The following SCN11A variants were observed in gnomAD, a reference collection of about 807,000 sequenced individuals.
SCN11A encodes the protein sodium voltage-gated channel alpha subunit 11.
In SCN11A, 122 loss-of-function variants were observed where a neutral mutation model predicts 162.2. That is an observed-to-expected ratio of 0.75 (90% CI 0.65 to 0.87). The LOEUF (loss-of-function observed/expected upper bound fraction) is 0.87, where lower values mean the gene tolerates loss of function less well. Ranked by LOEUF, SCN11A falls within the 40% of genes least tolerant of loss-of-function variation. The pLI, the probability that SCN11A is intolerant of heterozygous loss-of-function variation, is 0.00. For missense variants in SCN11A, 2,015 were observed against 2,181.6 expected (o/e 0.92, Z 1.52); for synonymous variants, 758 against 751.5 (o/e 1.01, Z -0.14).
chr3:38,934,949 C>A (rs1190787886), intron 7 of SCN11A, among the ~76,000 whole-genome samples: 1 of 151,282 alleles, frequency 6.6e-6, no homozygotes, highest in Non-Finnish European at 1.5e-5. Context: ...CACACCACAC[C>A]TATTCCAAAA....
intron 1 of SCN11A, among the ~76,000 whole-genome samples, chr3:39,045,389 C>A (rs961020368): frequency 6.6e-6 from 1 of 152,118 alleles, no homozygotes; most frequent in African/African-American, 2.4e-5. Context: ...TATAAAAATT[C>A]TCAACAAAAT....
intron 9 of SCN11A, among the ~76,000 whole-genome samples, chr3:38,922,368 A>G (rs1217311826): frequency 6.6e-6 from 1 of 152,242 alleles, no homozygotes; most frequent in African/African-American, 2.4e-5. Context: ...ATCTATAACA[A>G]GAGGCTTCTC....
chr3:39,051,934 C>A lies in SCN11A; in HGVS notation c.-477G>T. On this transcript the variant is annotated 5_prime_UTR_variant, in exon 1 of 30. Transcript: ENST00000302328. ...CACAACAGCCTGTTTACCTTCAGCCCCGCCACTAACCCTTGGCCAAAGGGA... is the reference window on the plus strand; with the variant it reads ...CACAACAGCCTGTTTACCTTCAGCCACGCCACTAACCCTTGGCCAAAGGGA... 1 of 1,526,014 alleles carries A rather than the reference C, an allele frequency of 6.6e-7. No homozygotes were observed. The highest frequency in any genetic ancestry group is 1.1e-5 in the South Asian group (1 of 88,178). 94.5% of individuals were successfully genotyped at this position (1,526,014 alleles called of 1,614,324 possible).
At position 38,983,475 on chromosome 3, in the gene SCN11A, T is replaced by C. The variant is rs139669682; in HGVS notation, c.-279-23052A>G. Reference sequence around the variant, plus strand: ...CTGTGTCAGCAACTTGAGTCTCACTTGAATGGGGAAAGAAAGTAATAGAGA... The same window carrying C: ...CTGTGTCAGCAACTTGAGTCTCACTCGAATGGGGAAAGAAAGTAATAGAGA... On this transcript the variant is annotated intron_variant, in intron 2 of 29. Transcript: ENST00000302328. 4.1e-3 allele frequency among the ~76,000 whole-genome samples: 631 copies of C among 152,294 alleles called. 9 individuals are homozygous for C. The highest frequency in any genetic ancestry group is 0.014 in the African/African-American group (599 of 41,538).
intron 27 of SCN11A, among the ~76,000 whole-genome samples, chr3:38,867,009 T>C (rs1158875623): frequency 1.3e-5 from 2 of 152,242 alleles, no homozygotes; most frequent in Admixed American, 1.3e-4. Flanking sequence ...ATTTAATAAA[T>C]ACTAATCCTG....
intron 17 of SCN11A, among the ~76,000 whole-genome samples, chr3:38,897,530 C>T (rs1444282836): frequency 6.6e-6 from 1 of 152,058 alleles, no homozygotes; most frequent in Non-Finnish European, 1.5e-5. Context: ...TCCTGGCCAA[C>T]ATGGTGAAAC....
chr3:38,851,725 T>C (rs2064782893), intron 28 of SCN11A, among the ~76,000 whole-genome samples: 1 of 152,222 alleles, frequency 6.6e-6, no homozygotes, highest in South Asian at 2.1e-4. Flanking sequence ...CTATTATCTT[T>C]AGAGAACTCA....
chr3:38,949,048 T>C (rs2066560293), intron 5 of SCN11A, among the ~76,000 whole-genome samples: 1 of 152,218 alleles, frequency 6.6e-6, no homozygotes, highest in African/African-American at 2.4e-5. Flanking sequence ...TCTATCCCAA[T>C]TGAAGTACAT....
intron 7 of SCN11A, among the ~76,000 whole-genome samples, chr3:38,929,302 T>C (rs1302488639): frequency 4.6e-5 from 7 of 152,188 alleles, no homozygotes; most frequent in Non-Finnish European, 8.8e-5. Flanking sequence ...CTACAACATG[T>C]ATAAACCTTG....
chr3:38,883,499 C>G, intron 21 of SCN11A, 112 bp from the exon 22 acceptor site: 1 of 955,952 alleles, frequency 1.0e-6, no homozygotes, highest in South Asian at 1.7e-5. Context: ...CCTGCAGTTG[C>G]TCCCATTAAA....
At position 38,894,573 on chromosome 3, in the gene SCN11A, T is replaced by C. The variant is rs776235253; in HGVS notation, c.2795A>G (p.Asp932Gly). The change falls in exon 19 of 30, where the codon GAT (aspartate) becomes GGT (glycine). Residue 932 changes from aspartate to glycine, a missense_variant. Physicochemically the swap from Asp to Gly is moderately conservative, Grantham distance 94. Transcript: ENST00000302328. The stretch of plus-strand genomic sequence containing the variant: ...AGGTTGTGTGATGCGCTGTGCATTA[T>C]CTTCACCAGAAAATTCAACGTCATC... ...EEDDVEFSGEDNAQRITQPEP... is the reference protein window; with the variant it reads ...EEDDVEFSGEGNAQRITQPEP... 2 of 1,613,676 alleles carry C rather than the reference T, an allele frequency of 1.2e-6. No homozygotes were observed. Among genetic ancestry groups the C allele is most frequent in the East Asian group, 2.2e-5 (1 of 44,878 alleles).
At chr3:38,961,280 T>C (rs751753059) in intron 2 of SCN11A, among the ~76,000 whole-genome samples, 1 of 152,240 alleles carries the variant, frequency 6.6e-6, no homozygotes, top group Non-Finnish European at 1.5e-5. Context: ...ATGTTAAATA[T>C]GATAATTCTT....
chr3:38,915,109 T>G (rs2065941520), intron 11 of SCN11A, among the ~76,000 whole-genome samples: 1 of 152,096 alleles, frequency 6.6e-6, no homozygotes, highest in Admixed American at 6.6e-5. Context: ...TCTCAGGATT[T>G]TTTTGGTTGG....
At chr3:38,943,249 C>T (rs778010750) in intron 7 of SCN11A, among the ~76,000 whole-genome samples, 7 of 151,818 alleles carry the variant, frequency 4.6e-5, no homozygotes, top group Admixed American at 2.6e-4. Flanking sequence ...GAAATGTATA[C>T]GAAATTCTTA....
intron 2 of SCN11A, among the ~76,000 whole-genome samples, chr3:38,989,707 T>C (rs1159141906): frequency 6.6e-6 from 1 of 152,230 alleles, no homozygotes; most frequent in Non-Finnish European, 1.5e-5. Flanking sequence ...CTTCAGTTTT[T>C]CCTCTGTAAA....
chr3:38,905,137 A>C, intron 15 of SCN11A, 55 bp downstream of exon 15: 2 of 1,610,728 alleles, frequency 1.2e-6, no homozygotes, highest in Non-Finnish European at 1.7e-6. Context: ...GAAGAAGAAG[A>C]ATGGAAGGAC....
chr3:38,928,853 C>T (rs765063404), intron 7 of SCN11A, among the ~76,000 whole-genome samples: 1 of 152,084 alleles, frequency 6.6e-6, no homozygotes, highest in African/African-American at 2.4e-5. Context: ...TAAAATGGTG[C>T]AATCCCTATG....
chr3:38,970,191 A>C (rs1318707788), intron 2 of SCN11A, among the ~76,000 whole-genome samples: 1 of 152,122 alleles, frequency 6.6e-6, no homozygotes, highest in Non-Finnish European at 1.5e-5. Flanking sequence ...TTGGCCTTCT[A>C]ACCCTACTGG....
At chr3:38,921,324 G>A in intron 9 of SCN11A, 69 bp from the exon 10 acceptor site, 4 of 1,459,086 alleles carry the variant, frequency 2.7e-6, no homozygotes, top group Non-Finnish European at 3.8e-6. Context: ...GGCCAAGTAA[G>A]GAGCAACTGA....
Sources: gnomAD v4.1 joint callset for allele counts (sites outside exome capture counted in the v4.1 genomes callset) on GRCh38, gnomAD v4.1.1 for gene constraint, MANE v1.5 for transcripts, NCBI Gene and HGNC (gene_info 2026-07-23, HGNC 2026-07-21) for gene names.